PARD3B: variants seen among roughly 807,000 people sequenced by gnomAD.
PARD3B encodes the protein partitioning defective 3 homolog B.
PARD3B carries 103 observed loss-of-function variants against 130.2 expected under a neutral mutation model. That is an observed-to-expected ratio of 0.79 (90% confidence interval 0.67 to 0.93). The LOEUF (loss-of-function observed/expected upper bound fraction) is 0.93. Among genes scored for constraint, PARD3B ranks in the 40% least tolerant of loss-of-function variants. The pLI is 0.00. For missense variants in PARD3B, 1,609 were observed against 1,499.2 expected (o/e 1.07, Z -1.21); for synonymous variants, 583 against 553.2 (o/e 1.05, Z -0.76).
chr2:205,347,512 G>A (rs549617186), intron 18 of PARD3B, among the ~76,000 whole-genome samples: 281 of 152,216 alleles, frequency 1.8e-3, no homozygotes, highest in Non-Finnish European at 3.4e-3. Context: ...GAAATAAGAA[G>A]CTACAATATA....
At chr2:204,702,094 G>C (rs966952792) in intron 2 of PARD3B, among the ~76,000 whole-genome samples, 1 of 152,068 alleles carries the variant, frequency 6.6e-6, no homozygotes, top group Non-Finnish European at 1.5e-5. Context: ...TTATGGCTGC[G>C]TAGTAATTCT....
chr2:204,907,901 T>A lies in PARD3B; in HGVS notation c.223-57251T>A, dbSNP rs1197848839. ...ATTTTTTGTAGAGATAAGCTTTCAT[T>A]ATGTTGGCCAGGCTGGTCTCAAACT... On this transcript the variant is annotated intron_variant, in intron 2 of 22. Coordinates refer to ENST00000406610, the MANE Select transcript of PARD3B (RefSeq NM_001302769.2). The surrounding 1 kb of genome is among the most constrained non-coding windows in gnomAD (Gnocchi z 5.7). Among the ~76,000 whole-genome samples, 1 of 151,994 alleles carries A rather than the reference T, an allele frequency of 6.6e-6. No individual in the cohort carries two copies. Among genetic ancestry groups the A allele is most frequent in the East Asian group, 1.9e-4 (1 of 5,172 alleles).
chr2:205,251,217 T>C (rs570800949), intron 16 of PARD3B, among the ~76,000 whole-genome samples: 156 of 152,266 alleles, frequency 1.0e-3, no homozygotes, highest in African/African-American at 3.6e-3. Context: ...GAGAGGGACA[T>C]CTAATCTGAT....
At position 205,563,903 on chromosome 2, in the gene PARD3B, C is replaced by T. The variant is rs146629540; in HGVS notation, c.3260+10500C>T. The stretch of plus-strand genomic sequence containing the variant: ...TCCCCAGCCCCTAGATTGCACTCTG[C>T]ACCACTCCTCCACAGAACACTCAGA... On this transcript the variant is annotated intron_variant, in intron 22 of 22. Transcript: ENST00000406610. This position sits in a 1 kb window ranked among gnomAD's most constrained non-coding sequence, Gnocchi z 4.2. Among the ~76,000 whole-genome samples the T allele has an allele frequency of 1.3e-3, 202 of 152,298 alleles. 1 individual carries two copies. Among genetic ancestry groups the T allele is most frequent in the African/African-American group, 4.4e-3 (184 of 41,560 alleles).
intron 20 of PARD3B, among the ~76,000 whole-genome samples, chr2:205,488,645 T>G (rs370772081): frequency 1.3e-4 from 20 of 152,298 alleles, no homozygotes; most frequent in African/African-American, 4.8e-4. Context: ...AAGGCCATGT[T>G]GTACAAGTAA....
chr2:204,686,727 A>G (rs955882694), intron 2 of PARD3B, among the ~76,000 whole-genome samples: 9 of 152,172 alleles, frequency 5.9e-5, no homozygotes, highest in Non-Finnish European at 1.2e-4. Flanking sequence ...CTGGCAAACA[A>G]CTATCTTGAG....
At chr2:205,561,548 C>A (rs1287621351) in intron 22 of PARD3B, among the ~76,000 whole-genome samples, 3 of 152,178 alleles carry the variant, frequency 2.0e-5, no homozygotes, top group Non-Finnish European at 4.4e-5. Context: ...TAAGATGCTT[C>A]ATGAGCATAT....
intron 15 of PARD3B, among the ~76,000 whole-genome samples, chr2:205,205,198 TC>T (rs765010247): frequency 6.6e-6 from 1 of 152,186 alleles, no homozygotes; most frequent in Admixed American, 6.5e-5. Context: ...GGTATTTTAT[TC>T]CCTTTGTAGC....
At chr2:204,565,476 C>G (rs1384895998) in intron 1 of PARD3B, among the ~76,000 whole-genome samples, 1 of 152,134 alleles carries the variant, frequency 6.6e-6, no homozygotes, top group African/African-American at 2.4e-5. Flanking sequence ...ACTATTAGTT[C>G]ACTGAGTTGT....
At chr2:204,827,246 C>T (rs1204958979) in intron 2 of PARD3B, among the ~76,000 whole-genome samples, 1 of 152,156 alleles carries the variant, frequency 6.6e-6, no homozygotes, top group African/African-American at 2.4e-5. Context: ...GCATTGGCAA[C>T]ATCCTACTTT....
chr2:205,576,645 T>C lies in PARD3B; in HGVS notation c.3260+23242T>C, dbSNP rs906043814. Among the ~76,000 whole-genome samples the C allele has an allele frequency of 3.3e-5, 5 of 152,200 alleles. No individual in the cohort carries two copies. In the South Asian group the frequency reaches 8.3e-4, roughly 25 times the overall value. On this transcript the variant is annotated intron_variant, in intron 22 of 22. Coordinates refer to ENST00000406610, the MANE Select transcript of PARD3B (RefSeq NM_001302769.2). ...CTTCCGGACTTCCTATTCTGTTCCA[T>C]TGATCTCTTTGTCTATTCTTTCACC...
chr2:205,421,416 C>G lies in PARD3B; in HGVS notation c.2742-18954C>G, dbSNP rs1335793119. On this transcript the variant is annotated intron_variant, in intron 19 of 22. Transcript: ENST00000406610. The surrounding 1 kb of genome is among the most constrained non-coding windows in gnomAD (Gnocchi z 5.1). ...TGTGGGTTTCCTCTCCTGTGTTCCA[C>G]TGTATTCCATTTTTAATCTCCTCAA... Among the ~76,000 whole-genome samples, 1 of 152,130 alleles carries G rather than the reference C, an allele frequency of 6.6e-6. No homozygotes were observed. Among genetic ancestry groups the G allele is most frequent in the East Asian group, 1.9e-4 (1 of 5,192 alleles).
chr2:205,197,679 C>T (rs2036770176), intron 15 of PARD3B, among the ~76,000 whole-genome samples: 1 of 152,160 alleles, frequency 6.6e-6, no homozygotes, highest in Non-Finnish European at 1.5e-5. Context: ...TGCATGTAGT[C>T]ATGCTAATTC....
At chr2:205,611,032 T>A (rs1379670882) in intron 22 of PARD3B, among the ~76,000 whole-genome samples, 2 of 152,218 alleles carry the variant, frequency 1.3e-5, no homozygotes, top group African/African-American at 4.8e-5. Context: ...TAGTTAGATA[T>A]GTAAGACTCA....
rs1370824710 is a variant in PARD3B, at chr2:204,669,906, TAA to T, written c.121-16271_121-16270del. ...AGATAAAGGTAACCACTAAAGGGAA[TAA>T]AAATATTTGAATAACTCTATTAATG... On this transcript the variant is annotated intron_variant, in intron 1 of 22. Coordinates refer to ENST00000406610, the MANE Select transcript of PARD3B (RefSeq NM_001302769.2). This position sits in a 1 kb window ranked among gnomAD's most constrained non-coding sequence, Gnocchi z 4.3. 1.3e-5 allele frequency among the ~76,000 whole-genome samples: 2 copies of T among 152,108 alleles called. No individual in the cohort carries two copies. The highest frequency in any genetic ancestry group is 2.9e-5 in the Non-Finnish European group (2 of 67,986).
chr2:204,879,558 C>T (rs1009074272), intron 2 of PARD3B, among the ~76,000 whole-genome samples: 1 of 152,108 alleles, frequency 6.6e-6, no homozygotes, highest in African/African-American at 2.4e-5. Context: ...TATGGCAATG[C>T]TACACTCCTG....
At chr2:205,447,935 G>A (rs1272954330) in intron 20 of PARD3B, among the ~76,000 whole-genome samples, 5 of 152,194 alleles carry the variant, frequency 3.3e-5, no homozygotes, top group Non-Finnish European at 7.3e-5. Context: ...CCTGGACACA[G>A]CATCTAAGCC....
intron 21 of PARD3B, 30 bp from the exon 22 acceptor site, chr2:205,553,294 C>T: frequency 2.5e-6 from 4 of 1,589,922 alleles, no homozygotes; most frequent in Non-Finnish European, 3.5e-6. Context: ...TATAATGGAT[C>T]TTCATCTCTA....
At chr2:205,213,777 C>A (rs534327938) in intron 15 of PARD3B, among the ~76,000 whole-genome samples, 4 of 151,868 alleles carry the variant, frequency 2.6e-5, no homozygotes, top group Non-Finnish European at 5.9e-5. Flanking sequence ...TAAAAATGAA[C>A]GTATTTAAGG....
Sources: gnomAD v4.1 joint callset for allele counts (sites outside exome capture counted in the v4.1 genomes callset) on GRCh38, gnomAD v4.1.1 for gene constraint, Gnocchi (gnomAD v3.1) non-coding constraint, MANE v1.5 for transcripts, NCBI Gene and HGNC (gene_info 2026-07-23, HGNC 2026-07-21) for gene names.